Variants in PACRG observed in about 807,000 individuals in gnomAD.
PACRG encodes parkin coregulated, also known as parkin coregulated gene protein.
PACRG carries 29 observed loss-of-function variants against 29.7 expected under a neutral mutation model. That is an observed-to-expected ratio of 0.98 (90% confidence interval 0.73 to 1.33). The LOEUF (loss-of-function observed/expected upper bound fraction) is 1.33. Ranked by LOEUF, PACRG falls within the 40% of genes most tolerant of loss-of-function variation. PACRG has a pLI of 0.00. For missense variants in PACRG, 279 were observed against 316.2 expected, an observed-to-expected ratio of 0.88 and a Z score of 0.89; for synonymous variants, 116 against 118.7, an observed-to-expected ratio of 0.98 and a Z score of 0.15.
intron 2 of PACRG, among the ~76,000 whole-genome samples, chr6:162,830,535 G>A (rs1788672680): frequency 6.6e-6 from 1 of 152,184 alleles, no homozygotes; most frequent in Non-Finnish European, 1.5e-5. Flanking sequence ...CTCTCCCCAG[G>A]GACACAGTGA....
chr6:163,298,490 C>T (rs1784867604), intron 4 of PACRG, among the ~76,000 whole-genome samples: 1 of 152,200 alleles, frequency 6.6e-6, no homozygotes, highest in Non-Finnish European at 1.5e-5. Context: ...CAGCCTATAC[C>T]AGTAACCACA....
intron 3 of PACRG, among the ~76,000 whole-genome samples, chr6:163,076,707 T>G (rs1452737471): frequency 2.6e-5 from 4 of 152,198 alleles, no homozygotes; most frequent in Non-Finnish European, 5.9e-5. Context: ...TTCTTTGTCT[T>G]CGCTCATTTT....
chr6:162,845,277 G>A (rs555257389), intron 2 of PACRG, among the ~76,000 whole-genome samples: 10 of 152,162 alleles, frequency 6.6e-5, no homozygotes, highest in South Asian at 6.2e-4. Flanking sequence ...GCAACGGTAC[G>A]TTCCAAAATT....
At chr6:162,904,817 T>G (rs943356806) in intron 2 of PACRG, among the ~76,000 whole-genome samples, 1 of 151,736 alleles carries the variant, frequency 6.6e-6, no homozygotes, top group African/African-American at 2.4e-5. Flanking sequence ...TACAAAAGAG[T>G]AAGGAGATGA....
At chr6:162,810,610 A>G (rs980894377) in intron 1 of PACRG, among the ~76,000 whole-genome samples, 1 of 152,224 alleles carries the variant, frequency 6.6e-6, no homozygotes, top group South Asian at 2.1e-4. Context: ...TATAAAGATG[A>G]ACCAAATAGA....
intron 4 of PACRG, among the ~76,000 whole-genome samples, chr6:163,094,076 G>A (rs73786957): frequency 0.024 from 3,644 of 152,214 alleles, 147 homozygotes; most frequent in African/African-American, 0.083. Flanking sequence ...CTTGATATTC[G>A]TGTGAATTCT....
chr6:163,130,988 A>G (rs1026820590), intron 4 of PACRG, among the ~76,000 whole-genome samples: 4 of 152,128 alleles, frequency 2.6e-5, no homozygotes, highest in Admixed American at 2.0e-4. Flanking sequence ...CCTAATTCCA[A>G]TACAACTGGT....
At chr6:162,864,930 C>T (rs1792167780) in intron 2 of PACRG, among the ~76,000 whole-genome samples, 1 of 152,062 alleles carries the variant, frequency 6.6e-6, no homozygotes, top group Admixed American at 6.6e-5. Context: ...ATTTCCTGTC[C>T]AAAGAATATT....
intron 4 of PACRG, among the ~76,000 whole-genome samples, chr6:163,162,459 T>G (rs1321231958): frequency 9.2e-5 from 14 of 152,238 alleles, no homozygotes; most frequent in Admixed American, 9.2e-4. Flanking sequence ...GAGTCACATG[T>G]GCTTGACACA....
intron 2 of PACRG, among the ~76,000 whole-genome samples, chr6:162,828,903 A>G (rs1788505361): frequency 6.6e-6 from 1 of 152,224 alleles, no homozygotes; most frequent in Admixed American, 6.5e-5. Context: ...ATAACCCGAC[A>G]CTAATGAATT....
intron 4 of PACRG, among the ~76,000 whole-genome samples, chr6:163,284,396 G>T (rs1400118053): frequency 6.6e-6 from 1 of 152,190 alleles, no homozygotes; most frequent in East Asian, 1.9e-4. Flanking sequence ...TGGCCCCACA[G>T]AGTTCACGGG....
At chr6:163,022,863 C>A (rs543491394) in intron 2 of PACRG, among the ~76,000 whole-genome samples, 2 of 152,180 alleles carry the variant, frequency 1.3e-5, no homozygotes, top group East Asian at 1.9e-4. Context: ...TTGAGATTTC[C>A]ATCCTATTAA....
chr6:162,883,272 A>G (rs765325371), intron 2 of PACRG, among the ~76,000 whole-genome samples: 5 of 152,216 alleles, frequency 3.3e-5, no homozygotes, highest in Non-Finnish European at 5.9e-5. Flanking sequence ...AATATCCAGG[A>G]AAGAGTTTTC....
intron 4 of PACRG, among the ~76,000 whole-genome samples, chr6:163,151,250 T>TTTG (rs989034214): frequency 6.6e-6 from 1 of 152,162 alleles, no homozygotes; most frequent in Admixed American, 6.5e-5. Flanking sequence ...GATCTTGGTT[T>TTTG]TTGTTGTTGT....
At chr6:163,049,641 A>T (rs952733367) in intron 2 of PACRG, among the ~76,000 whole-genome samples, 5 of 152,246 alleles carry the variant, frequency 3.3e-5, no homozygotes, top group Middle Eastern at 3.4e-3. Context: ...AAAAGATAAG[A>T]AAATACAATT....
At chr6:163,012,892 C>T (rs151131346) in intron 2 of PACRG, among the ~76,000 whole-genome samples, 11 of 152,234 alleles carry the variant, frequency 7.2e-5, no homozygotes, top group East Asian at 1.9e-4. Context: ...AAAGCTTTCA[C>T]GGTCTGTGTA....
chr6:163,014,575 C>G (rs1008279755), intron 2 of PACRG, among the ~76,000 whole-genome samples: 1 of 151,324 alleles, frequency 6.6e-6, no homozygotes. Flanking sequence ...GATGGTATCT[C>G]GTGGTTTTGA....
chr6:162,961,574 T>C (rs1800621373), intron 2 of PACRG, among the ~76,000 whole-genome samples: 1 of 152,136 alleles, frequency 6.6e-6, no homozygotes, highest in Non-Finnish European at 1.5e-5. Context: ...CCTCTCCTTT[T>C]TCTTCACCAC....
intron 4 of PACRG, among the ~76,000 whole-genome samples, chr6:163,133,406 G>T (rs972747902): frequency 2.0e-5 from 3 of 151,906 alleles, no homozygotes; most frequent in African/African-American, 7.3e-5. Context: ...TGGAAGAGAA[G>T]AATAATTAGT....
Sources: allele counts gnomAD v4.1 joint callset (sites outside exome capture counted in the v4.1 genomes callset), GRCh38; gene constraint gnomAD v4.1.1; transcripts MANE v1.5; gene names NCBI Gene and HGNC (gene_info 2026-07-23, HGNC 2026-07-21).